Variants in ADGRG6 observed in about 807,000 individuals in gnomAD.
ADGRG6 encodes G-protein coupled receptor 126.
ADGRG6 carries 84 observed loss-of-function variants against 142.4 expected under a neutral mutation model. The ratio of observed to expected loss-of-function variants is 0.59; its 90% CI spans 0.49 to 0.71. The LOEUF is 0.71. Ranked by LOEUF, ADGRG6 falls within the 30% of genes least tolerant of loss-of-function variation. The probability of loss-of-function intolerance (pLI) is 0.00; values close to 1 mark genes in which losing one functional copy is unlikely to be tolerated. For missense variants in ADGRG6, 1,367 were observed against 1,466.6 expected, an observed-to-expected ratio of 0.93 and a Z score of 1.11; for synonymous variants, 521 against 520.5, an observed-to-expected ratio of 1.00 and a Z score of -0.01.
intron 2 of ADGRG6, among the ~76,000 whole-genome samples, chr6:142,340,351 A>T (rs559726485): frequency 6.6e-6 from 1 of 152,164 alleles, no homozygotes; most frequent in African/African-American, 2.4e-5. Context: ...TAACCTTATT[A>T]TTCAAGACTT....
At chr6:142,333,078 A>G (rs754917152) in intron 2 of ADGRG6, among the ~76,000 whole-genome samples, 3 of 152,326 alleles carry the variant, frequency 2.0e-5, no homozygotes, top group African/African-American at 7.2e-5. Flanking sequence ...TGAAATGGTG[A>G]TAAGTGTGGA....
chr6:142,409,937 G>T lies in ADGRG6; in HGVS notation c.2434+18G>T. 7.7e-7 allele frequency: 1 copy of T among 1,295,812 alleles called. No individual in the cohort carries two copies. The allele number at this position is 1,295,812 out of a possible 1,614,324, so 80.3% of individuals were successfully genotyped here. A position where few individuals can be genotyped will look rare whatever the true frequency, so the allele number is the denominator to read the frequency against. On this transcript the variant is annotated intron_variant, in intron 17 of 24. Coordinates refer to ENST00000367609, the MANE Select transcript of ADGRG6 (RefSeq NM_198569.3). ...CAAAAACAGTAAGTTTTAAAATATT[G>T]GTTGTCTTAATATAGATAACAACTG...
At chr6:142,430,708 AG>A (rs1488370696) in intron 22 of ADGRG6, among the ~76,000 whole-genome samples, 1 of 152,232 alleles carries the variant, frequency 6.6e-6, no homozygotes, top group Non-Finnish European at 1.5e-5. Context: ...ACTTAGAAAT[AG>A]GTGTATTATT....
In ADGRG6 at chr6:142,443,504, A is replaced by T. The variant is rs1168097088; in HGVS notation, c.3742A>T (p.Thr1248Ser). ...IIMSDTFSHS[T>S]KF is the part of the protein sequence containing the mutation. ...CATGTCAGACACCTTCAGCCACAGC[A>T]CAAAGTTTTAATGTCTTTAAGAAAA... is the stretch of plus-strand genomic sequence containing the variant. Residue 1248 changes from threonine to serine, a missense_variant, in exon 25 of 25, where the codon ACA becomes TCA. Around this residue, in one of 3 missense-constraint regions of ADGRG6, gnomAD observed 344 missense variants for 348.7 expected, o/e 0.99. Coordinates refer to ENST00000367609, the MANE Select transcript of ADGRG6 (RefSeq NM_198569.3). 1.9e-6 allele frequency: 3 copies of T among 1,608,388 alleles called. No individual in the cohort carries two copies. Among genetic ancestry groups the T allele is most frequent in the Non-Finnish European group, 2.6e-6 (3 of 1,176,460 alleles).
chr6:142,327,143 T>C (rs1440362715), intron 2 of ADGRG6, among the ~76,000 whole-genome samples: 2 of 152,108 alleles, frequency 1.3e-5, no homozygotes, highest in East Asian at 3.9e-4. Context: ...AATGCAGTTG[T>C]CAGTGGGGTA....
chr6:142,367,823 T>C lies in ADGRG6; in HGVS notation c.358T>C (p.Phe120Leu). The C allele has an allele frequency of 6.2e-7, 1 of 1,613,918 alleles. No homozygotes were observed. The change falls in exon 3 of 25, where the codon TTT becomes CTT. Residue 120 changes from phenylalanine to leucine, a missense_variant. Around this residue, in one of 3 missense-constraint regions of ADGRG6, gnomAD observed 737 missense variants for 746.5 expected, o/e 0.99. Transcript: ENST00000367609. Reference protein sequence around the residue: ...FCGATAKGLSFNSSANEMHVS... With the variant: ...FCGATAKGLSLNSSANEMHVS... ...TGGAGCAACTGCCAAAGGCCTATCA[T>C]TTAACTCAAGTGCGAATGAGATGCA... is the stretch of plus-strand genomic sequence containing the variant.
At chr6:142,331,041 G>A (rs573159683) in intron 2 of ADGRG6, among the ~76,000 whole-genome samples, 1 of 151,956 alleles carries the variant, frequency 6.6e-6, no homozygotes, top group Admixed American at 6.6e-5. Context: ...CACCGACTGG[G>A]GCCCAGGGAA....
rs148645006 is a variant in ADGRG6, at chr6:142,416,165, AG to A, written c.2938+103del. Reference sequence around the variant, plus strand: ...TTTAAAAAAAAATAGTACCATTAAGAGGAACCTCAAAATTGTGAATGGCATG... The same window carrying A: ...TTTAAAAAAAAATAGTACCATTAAGAGAACCTCAAAATTGTGAATGGCATG... On this transcript the variant is annotated intron_variant, in intron 20 of 24. Transcript: ENST00000367609. 3.0e-3 allele frequency: 2,393 copies of A among 805,088 alleles called. 46 individuals carry two copies. In the African/African-American group the frequency reaches 0.036, roughly 12 times the overall value. 49.9% of individuals were successfully genotyped at this position (805,088 alleles called of 1,614,324 possible). A position where few individuals can be genotyped will look rare whatever the true frequency, so the allele number is the denominator to read the frequency against.
intron 22 of ADGRG6, among the ~76,000 whole-genome samples, chr6:142,433,450 G>A (rs1473459642): frequency 1.3e-5 from 2 of 152,202 alleles, no homozygotes; most frequent in East Asian, 3.8e-4. Context: ...GTATGGAAAG[G>A]CTTTAAAAAG....
At position 142,385,279 on chromosome 6, in the gene ADGRG6, GCA is replaced by G. The variant is rs575347518; in HGVS notation, c.1222+1437_1222+1438del. 1.9e-3 allele frequency among the ~76,000 whole-genome samples: 292 copies of G among 152,182 alleles called. 2 individuals are homozygous for G. The highest frequency in any genetic ancestry group is 3.5e-3 in the Non-Finnish European group (235 of 67,998). On this transcript the variant is annotated intron_variant, in intron 6 of 24. Coordinates refer to ENST00000367609, the MANE Select transcript of ADGRG6 (RefSeq NM_198569.3). Reference sequence around the variant, plus strand: ...CTTCATTGGAGTTTTAACAAAGCAAGCAAATGTTAGAATCAGTTAAAATGGTC... The same window carrying G: ...CTTCATTGGAGTTTTAACAAAGCAAGAATGTTAGAATCAGTTAAAATGGTC...
chr6:142,352,490 G>A (rs1304340805), intron 2 of ADGRG6, among the ~76,000 whole-genome samples: 7 of 152,076 alleles, frequency 4.6e-5, no homozygotes, highest in Non-Finnish European at 8.8e-5. Flanking sequence ...AAGAGGGTGT[G>A]GGTCCAGAGG....
chr6:142,388,094 G>T (rs541645534), intron 6 of ADGRG6, among the ~76,000 whole-genome samples: 1 of 152,094 alleles, frequency 6.6e-6, no homozygotes, highest in Admixed American at 6.5e-5. Flanking sequence ...TCCTCCAATG[G>T]CAATGTTGAA....
chr6:142,390,087 CT>C (rs1426205493), intron 6 of ADGRG6, among the ~76,000 whole-genome samples, 170 bp from the exon 7 acceptor site: 1 of 151,668 alleles, frequency 6.6e-6, no homozygotes, highest in Non-Finnish European at 1.5e-5. Context: ...TATTTCAGAA[CT>C]TTTTTTGCCT....
intron 10 of ADGRG6, among the ~76,000 whole-genome samples, chr6:142,400,128 A>G (rs1365309064): frequency 6.6e-6 from 1 of 152,154 alleles, no homozygotes; most frequent in African/African-American, 2.4e-5. Flanking sequence ...TACATTTTGA[A>G]TTTTTCAGGA....
At chr6:142,349,850 A>G (rs771920671) in intron 2 of ADGRG6, among the ~76,000 whole-genome samples, 8 of 152,194 alleles carry the variant, frequency 5.3e-5, no homozygotes, top group Non-Finnish European at 1.0e-4. Context: ...TTTTTTTCAT[A>G]AAGCTGCTCT....
At chr6:142,317,261 A>G (rs1376460666) in intron 2 of ADGRG6, among the ~76,000 whole-genome samples, 1 of 152,064 alleles carries the variant, frequency 6.6e-6, no homozygotes, top group African/African-American at 2.4e-5. Context: ...TTGACCTTTC[A>G]GAAGAAAGTT....
In ADGRG6 at chr6:142,408,279, C is replaced by T. The variant is rs572272580; in HGVS notation, c.2388+10C>T. On this transcript the variant is annotated intron_variant, in intron 16 of 24. Coordinates refer to ENST00000367609, the MANE Select transcript of ADGRG6 (RefSeq NM_198569.3). ...ACATACAAGAACTCAGGTAAGAAAA[C>T]GCTCCCAATAGCATTTGGACAGAAG... is the stretch of plus-strand genomic sequence containing the variant. 1.3e-4 allele frequency: 208 copies of T among 1,547,376 alleles called. 1 individual carries two copies. Among genetic ancestry groups the T allele is most frequent in the South Asian group, 1.1e-3 (91 of 83,312 alleles).
intron 6 of ADGRG6, among the ~76,000 whole-genome samples, chr6:142,384,621 C>T (rs1434691884): frequency 6.6e-6 from 1 of 152,056 alleles, no homozygotes; most frequent in Non-Finnish European, 1.5e-5. Flanking sequence ...CAGGTGACCA[C>T]ACCATTGCTT....
chr6:142,377,459 T>G (rs1322958082), intron 4 of ADGRG6, among the ~76,000 whole-genome samples: 4 of 152,214 alleles, frequency 2.6e-5, no homozygotes, highest in Non-Finnish European at 5.9e-5. Flanking sequence ...TGGGCAGGTT[T>G]CCTCATCTGC....
Sources: gnomAD v4.1 joint callset for allele counts (sites outside exome capture counted in the v4.1 genomes callset) on GRCh38, gnomAD v4.1.1 for gene constraint, gnomAD v4.1.1 regional missense constraint, MANE v1.5 for transcripts, NCBI Gene and HGNC (gene_info 2026-07-23, HGNC 2026-07-21) for gene names.